LRBA: variants seen among roughly 807,000 people sequenced by gnomAD.
The protein encoded by LRBA is lipopolysaccharide-responsive and beige-like anchor protein.
In LRBA, 176 loss-of-function variants were observed where a neutral mutation model predicts 330.0. The observed-to-expected ratio is 0.53, with a 90% confidence interval of 0.47 to 0.60. The LOEUF (loss-of-function observed/expected upper bound fraction) is 0.60. Ranked by LOEUF, LRBA falls within the 20% of genes least tolerant of loss-of-function variation. The pLI is 0.00. For missense variants in LRBA, 3,259 were observed against 3,444.8 expected (o/e 0.95, Z 1.35); for synonymous variants, 1,230 against 1,193.0 (o/e 1.03, Z -0.64).
At chr4:150,610,330 C>A (rs1775111176) in intron 37 of LRBA, among the ~76,000 whole-genome samples, 4 of 152,154 alleles carry the variant, frequency 2.6e-5, no homozygotes, top group Admixed American at 2.6e-4. Flanking sequence ...TGGCTCACGC[C>A]TATAATCCCA....
At chr4:150,762,493 G>C (rs184833384) in intron 34 of LRBA, among the ~76,000 whole-genome samples, 9 of 151,848 alleles carry the variant, frequency 5.9e-5, no homozygotes, top group Admixed American at 5.9e-4. Context: ...TCAATCAATA[G>C]AGTATGTACA....
chr4:150,912,137 A>C (rs1353869028), intron 9 of LRBA, among the ~76,000 whole-genome samples: 1 of 152,016 alleles, frequency 6.6e-6, no homozygotes, highest in Non-Finnish European at 1.5e-5. Context: ...TAAAAAAAAA[A>C]CTGTTAGTTT....
At chr4:150,489,621 G>GAATATAT (rs1235506619) in intron 41 of LRBA, among the ~76,000 whole-genome samples, 2 of 72,828 alleles carry the variant, frequency 2.7e-5, no homozygotes, top group Non-Finnish European at 5.7e-5. Flanking sequence ...TAATATATAA[G>GAATATAT]AATATATAAT....
chr4:150,489,127 A>C (rs867398346), intron 41 of LRBA, among the ~76,000 whole-genome samples: 103 of 103,380 alleles, frequency 1.0e-3, no homozygotes, highest in Middle Eastern at 7.7e-3. Context: ...TATAATATAT[A>C]AGAATATATA....
At chr4:150,755,053 C>CCT (rs1385023612) in intron 35 of LRBA, among the ~76,000 whole-genome samples, 1 of 152,140 alleles carries the variant, frequency 6.6e-6, no homozygotes, top group East Asian at 1.9e-4. Flanking sequence ...TATTTTCTGG[C>CCT]CTCTCTCCCT....
At chr4:150,644,727 G>C (rs2126738035) in intron 37 of LRBA, among the ~76,000 whole-genome samples, 1 of 151,956 alleles carries the variant, frequency 6.6e-6, no homozygotes, top group Admixed American at 6.6e-5. Flanking sequence ...TGAATAATCT[G>C]CATGGAATAA....
At chr4:150,539,486 T>C (rs1286904004) in intron 40 of LRBA, among the ~76,000 whole-genome samples, 1 of 152,220 alleles carries the variant, frequency 6.6e-6, no homozygotes, top group Non-Finnish European at 1.5e-5. Context: ...CAATGCCCTA[T>C]CTCTAAAAGT....
chr4:150,573,826 T>C (rs1332063836), intron 40 of LRBA, among the ~76,000 whole-genome samples: 1 of 152,186 alleles, frequency 6.6e-6, no homozygotes, highest in African/African-American at 2.4e-5. Context: ...TATAAAACTT[T>C]CCTTTGTTTA....
At chr4:150,335,455 GTATATA>G (rs1265749294) in intron 48 of LRBA, among the ~76,000 whole-genome samples, 1 of 141,236 alleles carries the variant, frequency 7.1e-6, no homozygotes, top group Non-Finnish European at 1.5e-5. Flanking sequence ...GTATATATGT[GTATATA>G]TGTGTATATA....
intron 46 of LRBA, among the ~76,000 whole-genome samples, chr4:150,430,778 C>T (rs1481672725): frequency 6.6e-6 from 1 of 151,994 alleles, no homozygotes; most frequent in Non-Finnish European, 1.5e-5. Context: ...CAACAATCTC[C>T]GTTTCAGATC....
chr4:150,964,535 G>GGC (rs1738663739), intron 2 of LRBA, among the ~76,000 whole-genome samples: 1 of 150,826 alleles, frequency 6.6e-6, no homozygotes, highest in Admixed American at 6.6e-5. Context: ...CCAACCCCGT[G>GGC]CTCTCTGAAA....
At chr4:150,912,687 C>G (rs1320127122) in intron 9 of LRBA, among the ~76,000 whole-genome samples, 2 of 152,102 alleles carry the variant, frequency 1.3e-5, no homozygotes, top group African/African-American at 2.4e-5. Flanking sequence ...TTGGGGACTG[C>G]TGCTCTATTT....
intron 53 of LRBA, among the ~76,000 whole-genome samples, chr4:150,289,961 G>A (rs1261851433): frequency 6.6e-6 from 1 of 152,186 alleles, no homozygotes; most frequent in Non-Finnish European, 1.5e-5. Flanking sequence ...GGCTTTACAT[G>A]TGGCTCACAG....
chr4:150,792,042 A>AAG (rs1740016208), intron 34 of LRBA, among the ~76,000 whole-genome samples: 1 of 150,870 alleles, frequency 6.6e-6, no homozygotes. Context: ...AAAAAAAAAA[A>AAG]AAAAAAAAAG....
intron 35 of LRBA, among the ~76,000 whole-genome samples, chr4:150,757,757 T>C (rs1005503933): frequency 6.6e-6 from 1 of 152,156 alleles, no homozygotes; most frequent in Non-Finnish European, 1.5e-5. Context: ...TTAAAATATA[T>C]TCTACACTGT....
chr4:150,463,818 T>C (rs1214727345), intron 44 of LRBA, among the ~76,000 whole-genome samples: 1 of 151,960 alleles, frequency 6.6e-6, no homozygotes. Context: ...ATAAAAATCA[T>C]ACAGCCTACA....
intron 42 of LRBA, among the ~76,000 whole-genome samples, chr4:150,486,341 C>T (rs893843575): frequency 1.3e-5 from 2 of 151,490 alleles, no homozygotes; most frequent in African/African-American, 4.8e-5. Flanking sequence ...TTTTTTCTTC[C>T]TTTAAATTAT....
intron 40 of LRBA, among the ~76,000 whole-genome samples, chr4:150,564,310 G>T (rs1768819137): frequency 6.6e-6 from 1 of 152,108 alleles, no homozygotes. Context: ...TTAATAAATG[G>T]TGCTGGGAAA....
At chr4:150,652,524 A>G (rs1779797700) in intron 37 of LRBA, among the ~76,000 whole-genome samples, 1 of 152,214 alleles carries the variant, frequency 6.6e-6, no homozygotes, top group Non-Finnish European at 1.5e-5. Flanking sequence ...AATTTCTATT[A>G]GAAATACAAT....
Sources: allele counts gnomAD v4.1 joint callset (sites outside exome capture counted in the v4.1 genomes callset), GRCh38; gene constraint gnomAD v4.1.1; transcripts MANE v1.5; gene names NCBI Gene and HGNC (gene_info 2026-07-23, HGNC 2026-07-21).